The following NXPH1 variants were observed in gnomAD, a reference collection of about 807,000 sequenced individuals.
The protein encoded by NXPH1 is neurexophilin-1.
In NXPH1, 5 loss-of-function variants were observed where a neutral mutation model predicts 23.7. The observed-to-expected ratio is 0.21, with a 90% confidence interval of 0.11 to 0.44. The LOEUF is 0.44. NXPH1 is among the 20% of genes least tolerant of loss of function. The pLI, the probability that NXPH1 is intolerant of heterozygous loss-of-function variation, is 0.99. For synonymous variants in NXPH1, 144 were observed against 122.2 expected, an observed-to-expected ratio of 1.18 and a Z score of -1.18; for missense variants, 324 against 321.6, an observed-to-expected ratio of 1.01 and a Z score of -0.06.
At chr7:8,528,080 G>A (rs989189403) in intron 2 of NXPH1, among the ~76,000 whole-genome samples, 2 of 152,210 alleles carry the variant, frequency 1.3e-5, no homozygotes, top group Admixed American at 6.5e-5. Context: ...CACAATAACC[G>A]ATGGTTCGAA....
intron 2 of NXPH1, among the ~76,000 whole-genome samples, chr7:8,498,489 T>G (rs2128612182): frequency 6.6e-6 from 1 of 152,206 alleles, no homozygotes; most frequent in African/African-American, 2.4e-5. Flanking sequence ...AGACCCAGCC[T>G]TGGATGAAGT....
chr7:8,608,637 C>T (rs979496509), intron 2 of NXPH1, among the ~76,000 whole-genome samples: 5 of 152,020 alleles, frequency 3.3e-5, no homozygotes, highest in Non-Finnish European at 5.9e-5. Flanking sequence ...TGGAGGTTTG[C>T]ATCTTCTTGA....
At chr7:8,517,939 C>T (rs776381797) in intron 2 of NXPH1, among the ~76,000 whole-genome samples, 1 of 152,082 alleles carries the variant, frequency 6.6e-6, no homozygotes, top group African/African-American at 2.4e-5. Flanking sequence ...TTCACATAAG[C>T]TTGATGTCCT....
chr7:8,479,814 A>G (rs1298749290), intron 2 of NXPH1, among the ~76,000 whole-genome samples: 2 of 152,136 alleles, frequency 1.3e-5, no homozygotes, highest in East Asian at 3.9e-4. Context: ...AGAGATAATA[A>G]TTGCAGTGGA....
rs544784558 is a variant in NXPH1 at position 8,440,244 on chromosome 7, A to C, written c.54+4477A>C. 2.0e-5 allele frequency among the ~76,000 whole-genome samples: 3 copies of C among 152,346 alleles called. No individual in the cohort carries two copies. In the East Asian group the frequency reaches 5.8e-4, roughly 29 times the overall value. The stretch of plus-strand genomic sequence containing the variant: ...ATTTCCCTGAAATGTTCAACTTTCC[A>C]TTGACCAAGAAAGCAGCTCGCCCAA... On this transcript the variant is annotated intron_variant, in intron 2 of 2. Transcript: ENST00000405863.
At chr7:8,675,758 C>T (rs1301496970) in intron 2 of NXPH1, among the ~76,000 whole-genome samples, 1 of 152,052 alleles carries the variant, frequency 6.6e-6, no homozygotes, top group Non-Finnish European at 1.5e-5. Flanking sequence ...ATACATTCCC[C>T]CAAAAGGATA....
chr7:8,579,932 A>G (rs751804109), intron 2 of NXPH1, among the ~76,000 whole-genome samples: 1 of 152,194 alleles, frequency 6.6e-6, no homozygotes, highest in Non-Finnish European at 1.5e-5. Context: ...CTTCAGACCT[A>G]CAGAGAAAAA....
At chr7:8,747,716 G>A (rs776027329) in intron 2 of NXPH1, among the ~76,000 whole-genome samples, 1 of 152,194 alleles carries the variant, frequency 6.6e-6, no homozygotes, top group Non-Finnish European at 1.5e-5. Context: ...CAATGCTTAT[G>A]TAACTAGGCA....
At chr7:8,693,580 A>G (rs1821255637) in intron 2 of NXPH1, among the ~76,000 whole-genome samples, 1 of 152,184 alleles carries the variant, frequency 6.6e-6, no homozygotes, top group African/African-American at 2.4e-5. Flanking sequence ...ATGTCACAAG[A>G]TTGTTGTCTA....
chr7:8,675,713 A>T (rs1820941317), intron 2 of NXPH1, among the ~76,000 whole-genome samples: 1 of 152,180 alleles, frequency 6.6e-6, no homozygotes, highest in Non-Finnish European at 1.5e-5. Context: ...AAGTATGAGT[A>T]TAGGTTATCC....
intron 2 of NXPH1, among the ~76,000 whole-genome samples, chr7:8,470,274 G>A (rs754945177): frequency 6.6e-6 from 1 of 152,120 alleles, no homozygotes; most frequent in Non-Finnish European, 1.5e-5. Context: ...CTGAAATGTG[G>A]ATTTCTATCA....
intron 2 of NXPH1, among the ~76,000 whole-genome samples, chr7:8,732,016 G>A (rs908578482): frequency 1.4e-4 from 22 of 152,336 alleles, no homozygotes; most frequent in Middle Eastern, 3.4e-3. Context: ...AGGACCCTCC[G>A]AGCCAGGTGC....
intron 2 of NXPH1, among the ~76,000 whole-genome samples, chr7:8,478,719 G>A (rs559445769): frequency 1.3e-5 from 2 of 152,114 alleles, no homozygotes; most frequent in South Asian, 4.1e-4. Flanking sequence ...TGATACAAAA[G>A]GAAACAAAGG....
At chr7:8,738,361 C>T (rs969815593) in intron 2 of NXPH1, among the ~76,000 whole-genome samples, 1 of 152,116 alleles carries the variant, frequency 6.6e-6, no homozygotes, top group Non-Finnish European at 1.5e-5. Flanking sequence ...ATTAGTTTTC[C>T]TTCTAACAGT....
intron 2 of NXPH1, among the ~76,000 whole-genome samples, chr7:8,663,540 C>T (rs1483001029): frequency 6.6e-6 from 1 of 152,096 alleles, no homozygotes; most frequent in African/African-American, 2.4e-5. Flanking sequence ...AAGCCGGCTT[C>T]TGTTCCAGAT....
chr7:8,675,513 T>C lies in NXPH1; in HGVS notation c.55-75495T>C, dbSNP rs777648130. ...CGTTTATTCATTCGACAATCAGTTATTGAACAAATATAATGTGCCAGGAAC... is the reference window on the plus strand; with the variant it reads ...CGTTTATTCATTCGACAATCAGTTACTGAACAAATATAATGTGCCAGGAAC... On this transcript the variant is annotated intron_variant, in intron 2 of 2. Transcript: ENST00000405863. 7.9e-5 allele frequency among the ~76,000 whole-genome samples: 12 copies of C among 152,256 alleles called. No individual in the cohort carries two copies. In the South Asian group the frequency reaches 8.3e-4, roughly 11 times the overall value.
At chr7:8,489,197 G>A (rs368578997) in intron 2 of NXPH1, among the ~76,000 whole-genome samples, 19 of 151,962 alleles carry the variant, frequency 1.3e-4, no homozygotes, top group Non-Finnish European at 1.8e-4. Context: ...GGGAAGATTC[G>A]GCCTATCTAG....
chr7:8,451,476 C>T (rs1816506189), intron 2 of NXPH1, among the ~76,000 whole-genome samples: 1 of 152,164 alleles, frequency 6.6e-6, no homozygotes, highest in Non-Finnish European at 1.5e-5. Context: ...ATGAACATAC[C>T]AATGTCATCC....
intron 2 of NXPH1, among the ~76,000 whole-genome samples, chr7:8,483,761 C>T (rs1271011356): frequency 6.6e-6 from 1 of 152,124 alleles, no homozygotes; most frequent in Admixed American, 6.5e-5. Flanking sequence ...ATCTTGGGAT[C>T]CCCTGAAAAT....
Sources: allele counts gnomAD v4.1 joint callset (sites outside exome capture counted in the v4.1 genomes callset), GRCh38; gene constraint gnomAD v4.1.1; transcripts MANE v1.5; gene names NCBI Gene and HGNC (gene_info 2026-07-23, HGNC 2026-07-21).